The following BET1 variants were observed in gnomAD, a reference collection of about 807,000 sequenced individuals.
BET1 encodes Bet1 golgi vesicular membrane trafficking protein.
In BET1, 9 loss-of-function variants were observed where a neutral mutation model predicts 13.9. The ratio of observed to expected loss-of-function variants is 0.65; its 90% confidence interval spans 0.39 to 1.13. BET1 has a LOEUF of 1.13. Among genes scored for constraint, BET1 ranks in the 50% most tolerant of loss-of-function variants. The pLI is 0.01. For missense variants in BET1, 127 were observed against 133.6 expected, an observed-to-expected ratio of 0.95 and a Z score of 0.24; for synonymous variants, 39 against 47.3, an observed-to-expected ratio of 0.82 and a Z score of 0.72.
chr7:93,996,170 T>TA (rs781056604), intron 3 of BET1, 95 bp downstream of exon 3: 2 of 937,758 alleles, frequency 2.1e-6, no homozygotes, highest in East Asian at 2.6e-5. Flanking sequence ...ATCAAGGACT[T>TA]ACGATCTCTG....
At chr7:93,999,519 T>C (rs1344622617) in intron 1 of BET1, 2 of 512,660 alleles carry the variant, frequency 3.9e-6, no homozygotes, top group Admixed American at 6.5e-5. Flanking sequence ...TTCATTTTGA[T>C]ACACATTTCT....
chr7:93,999,461 A>C (rs1795847297), intron 1 of BET1, among the ~76,000 whole-genome samples, 167 bp from the exon 2 acceptor site: 1 of 152,240 alleles, frequency 6.6e-6, no homozygotes, highest in Non-Finnish European at 1.5e-5. Flanking sequence ...CAGAGATCAG[A>C]CCAATTCTTT....
intron 6 of BET1, among the ~76,000 whole-genome samples, chr7:93,970,313 G>C (rs763556283): frequency 6.6e-6 from 1 of 151,792 alleles, no homozygotes; most frequent in Non-Finnish European, 1.5e-5. Flanking sequence ...GGAACATTGG[G>C]TAAGTATCTC....
At chr7:93,981,118 C>A (rs1439780555) in intron 4 of BET1, among the ~76,000 whole-genome samples, 1 of 152,090 alleles carries the variant, frequency 6.6e-6, no homozygotes, top group Non-Finnish European at 1.5e-5. Flanking sequence ...TTTTATCTGT[C>A]ATTTCTATGT....
chr7:93,996,247 A>T lies in BET1; in HGVS notation c.201+18T>A, dbSNP rs1042899516. On this transcript the variant is annotated intron_variant, in intron 3 of 3. Transcript: ENST00000222547. ...ATATTAGATCAAATTTCTTAAAGTT[A>T]AAATCATAACCACTTACCATTTCAG... 5 of 1,529,888 alleles carry T rather than the reference A, an allele frequency of 3.3e-6. No individual in the cohort carries two copies. Among genetic ancestry groups the T allele is most frequent in the Non-Finnish European group, 4.5e-6 (5 of 1,117,802 alleles). 94.8% of individuals were successfully genotyped at this position (1,529,888 alleles called of 1,614,324 possible). A position where few individuals can be genotyped will look rare whatever the true frequency, so the allele number is the denominator to read the frequency against.
chr7:94,000,501 T>C (rs1389884302), intron 1 of BET1: 3 of 152,000 alleles, frequency 2.0e-5, no homozygotes, highest in African/African-American at 7.3e-5. Context: ...GTAAGGAGAA[T>C]GATGGAGGAA....
intron 4 of BET1, among the ~76,000 whole-genome samples, chr7:93,981,414 T>A (rs958756062): frequency 6.6e-6 from 1 of 152,218 alleles, no homozygotes; most frequent in Admixed American, 6.5e-5. Context: ...CAAAAAGCTA[T>A]CATGTTCTCC....
intron 5 of BET1, among the ~76,000 whole-genome samples, chr7:93,974,976 C>G (rs1012796888): frequency 1.3e-5 from 2 of 152,030 alleles, no homozygotes; most frequent in African/African-American, 4.8e-5. Context: ...GGGCATATCA[C>G]TTCTGTAGTA....
At chr7:93,982,609 C>T (rs1248634300) in intron 4 of BET1, among the ~76,000 whole-genome samples, 1 of 152,074 alleles carries the variant, frequency 6.6e-6, no homozygotes, top group African/African-American at 2.4e-5. Flanking sequence ...TGTCTTTGTG[C>T]CCATCAAATG....
intron 4 of BET1, among the ~76,000 whole-genome samples, chr7:93,976,625 A>G (rs970508284): frequency 3.3e-5 from 5 of 152,014 alleles, no homozygotes; most frequent in Non-Finnish European, 7.4e-5. Flanking sequence ...TTTGCCTCAT[A>G]TTTCATCTCA....
At chr7:93,992,519 G>C (rs1318986405), downstream of BET1, 19 of 985,038 alleles carry the variant, frequency 1.9e-5, no homozygotes, top group Non-Finnish European at 2.3e-5. Flanking sequence ...TGAATCTCCC[G>C]TGAGCTCTGG....
intron 4 of BET1, among the ~76,000 whole-genome samples, chr7:93,977,059 A>C (rs556640688): frequency 6.6e-6 from 1 of 152,010 alleles, no homozygotes; most frequent in Non-Finnish European, 1.5e-5. Flanking sequence ...TCTATATCTC[A>C]ATCACATTTT....
At chr7:93,999,632 G>A (rs965528130) in intron 1 of BET1, 4 of 458,530 alleles carry the variant, frequency 8.7e-6, no homozygotes, top group African/African-American at 6.0e-5. Flanking sequence ...TTTAATGAAA[G>A]TTCTAAAAGC....
downstream of BET1, chr7:93,993,212 T>C (rs1285011463): frequency 2.0e-6 from 2 of 982,490 alleles, no homozygotes; most frequent in African/African-American, 3.5e-5. Flanking sequence ...TCTCAGATTC[T>C]ACTGAGAATG....
In BET1 at chr7:93,999,302, G is replaced by GC. The variant is rs1795842611; in HGVS notation, c.20-9_20-8insG. 3 of 1,599,762 alleles carry GC rather than the reference G, an allele frequency of 1.9e-6. No homozygotes were observed. The highest frequency in any genetic ancestry group is 2.6e-6 in the Non-Finnish European group (3 of 1,174,298). On this transcript the variant is annotated splice_polypyrimidine_tract_variant and intron_variant, in intron 1 of 3. Coordinates refer to ENST00000222547, the MANE Select transcript of BET1 (RefSeq NM_005868.6). ...CAGGAGGTACTCCTTCACCTGCAAGGATCAGAGTCACAAAGGTGGTTCTAG... is the reference window on the plus strand; with the variant it reads ...CAGGAGGTACTCCTTCACCTGCAAGGCATCAGAGTCACAAAGGTGGTTCTAG...
At chr7:93,965,269 A>C (rs150377835) in exon 7 of BET1, 73 of 151,908 alleles carry the variant, frequency 4.8e-4, no homozygotes, top group African/African-American at 1.7e-3. Flanking sequence ...TAATAATTAC[A>C]CTGCTCATTC....
chr7:93,991,490 G>A (rs1473194734), downstream of BET1, among the ~76,000 whole-genome samples: 2 of 152,296 alleles, frequency 1.3e-5, no homozygotes, highest in East Asian at 3.9e-4. Flanking sequence ...CACAACTCTT[G>A]TGTTTCAGTG....
downstream of BET1, among the ~76,000 whole-genome samples, chr7:93,990,619 T>A (rs192561849): frequency 1.2e-4 from 18 of 152,254 alleles, no homozygotes; most frequent in Non-Finnish European, 2.2e-4. Flanking sequence ...GTAGGACAAT[T>A]CTTTACATAA....
chr7:94,002,664 GA>G (rs2116152844), intron 1 of BET1, among the ~76,000 whole-genome samples: 1 of 152,182 alleles, frequency 6.6e-6, no homozygotes, highest in African/African-American at 2.4e-5. Flanking sequence ...ACTGCAGCAG[GA>G]AAATACTCAA....
Sources: gnomAD v4.1 joint callset for allele counts (sites outside exome capture counted in the v4.1 genomes callset) on GRCh38, gnomAD v4.1.1 for gene constraint, MANE v1.5 for transcripts, NCBI Gene and HGNC (gene_info 2026-07-23, HGNC 2026-07-21) for gene names.